LYPD6: variants seen among roughly 807,000 people sequenced by gnomAD.
LYPD6 encodes ly6/PLAUR domain-containing protein 6.
LYPD6 carries 15 observed loss-of-function variants against 22.7 expected under a neutral mutation model. That is an observed-to-expected ratio of 0.66 (90% CI 0.44 to 1.02). LYPD6 has a LOEUF of 1.02. Ranked by LOEUF, LYPD6 falls within the 50% of genes least tolerant of loss-of-function variation. LYPD6 has a pLI of 0.00. For synonymous variants in LYPD6, 72 were observed against 77.5 expected, an observed-to-expected ratio of 0.93 and a Z score of 0.37; for missense variants, 189 against 208.4, an observed-to-expected ratio of 0.91 and a Z score of 0.57.
intron 1 of LYPD6, among the ~76,000 whole-genome samples, chr2:149,352,073 A>G (rs1255923649): frequency 1.3e-5 from 2 of 152,142 alleles, no homozygotes; most frequent in African/African-American, 4.8e-5. Flanking sequence ...TCTCACTTGT[A>G]AAACTAAATG....
chr2:149,392,126 C>T (rs894133625), intron 1 of LYPD6, among the ~76,000 whole-genome samples: 20 of 152,276 alleles, frequency 1.3e-4, no homozygotes. Context: ...GTGGTTAGGG[C>T]AGACCAAGTT....
chr2:149,392,329 G>A (rs2105099475), intron 1 of LYPD6, among the ~76,000 whole-genome samples: 1 of 152,298 alleles, frequency 6.6e-6, no homozygotes, highest in Middle Eastern at 3.4e-3. Flanking sequence ...AAAACATGTG[G>A]AGGAAGATCG....
At chr2:149,461,199 A>AT (rs1026697262) in intron 3 of LYPD6, among the ~76,000 whole-genome samples, 1 of 152,062 alleles carries the variant, frequency 6.6e-6, no homozygotes, top group South Asian at 2.1e-4. Flanking sequence ...AACATATACA[A>AT]TTTTTTTCAA....
chr2:149,376,675 T>C (rs1681929402), intron 1 of LYPD6, among the ~76,000 whole-genome samples: 1 of 152,220 alleles, frequency 6.6e-6, no homozygotes, highest in African/African-American at 2.4e-5. Context: ...TGGGTACTCA[T>C]TGTGTCTTAC....
chr2:149,331,203 G>A (rs1410715471), intron 1 of LYPD6, among the ~76,000 whole-genome samples: 2 of 152,136 alleles, frequency 1.3e-5, no homozygotes, highest in Non-Finnish European at 2.9e-5. Flanking sequence ...GGGAGGTGCA[G>A]TGTGCTGGAG....
At chr2:149,462,877 C>T (rs1681118014) in intron 3 of LYPD6, among the ~76,000 whole-genome samples, 2 of 152,148 alleles carry the variant, frequency 1.3e-5, no homozygotes, top group South Asian at 4.1e-4. Context: ...CTAAGTCTCA[C>T]ACTTTTTACA....
intron 3 of LYPD6, among the ~76,000 whole-genome samples, chr2:149,452,815 CAAGT>C (rs1330566205): frequency 6.6e-6 from 1 of 152,162 alleles, no homozygotes; most frequent in Non-Finnish European, 1.5e-5. Flanking sequence ...ATTGTTTGGC[CAAGT>C]AAGTGTCAGG....
At chr2:149,458,972 A>C (rs1681028106) in intron 3 of LYPD6, among the ~76,000 whole-genome samples, 1 of 152,224 alleles carries the variant, frequency 6.6e-6, no homozygotes, top group South Asian at 2.1e-4. Flanking sequence ...ATGTTTTAAC[A>C]CTACATCATC....
intron 1 of LYPD6, among the ~76,000 whole-genome samples, chr2:149,424,842 A>G (rs1283027491): frequency 6.6e-6 from 1 of 152,094 alleles, no homozygotes; most frequent in Non-Finnish European, 1.5e-5. Flanking sequence ...TCTACCCAGA[A>G]CCGATGCTTC....
At chr2:149,463,603 A>G (rs1266336878) in intron 3 of LYPD6, among the ~76,000 whole-genome samples, 1 of 152,196 alleles carries the variant, frequency 6.6e-6, no homozygotes, top group East Asian at 1.9e-4. Context: ...TAGCTTTATT[A>G]ATAATATCTC....
chr2:149,357,305 A>G (rs1196702), intron 1 of LYPD6, among the ~76,000 whole-genome samples: 30,612 of 152,208 alleles, frequency 0.2, 4,548 homozygotes, highest in East Asian at 0.72. Context: ...CACTTTTTGC[A>G]GGAAAAGGCA....
chr2:149,479,484 G>C, the LYPD6 span, among the ~76,000 whole-genome samples: 5 of 152,094 alleles, frequency 3.3e-5, no homozygotes, highest in African/African-American at 1.2e-4. Context: ...AAGCACCTCC[G>C]TTGTAAGAGT....
chr2:149,458,620 C>T (rs912978287), intron 3 of LYPD6, among the ~76,000 whole-genome samples: 10 of 152,056 alleles, frequency 6.6e-5, no homozygotes, highest in African/African-American at 2.2e-4. Context: ...AAGATAAATA[C>T]AGATGTTAGA....
At chr2:149,453,202 G>A (rs1255614823) in intron 3 of LYPD6, among the ~76,000 whole-genome samples, 2 of 152,134 alleles carry the variant, frequency 1.3e-5, no homozygotes, top group Non-Finnish European at 2.9e-5. Flanking sequence ...ATCACATTAC[G>A]TTAGGAGCCA....
At chr2:149,451,963 C>T (rs1680834995) in intron 3 of LYPD6, among the ~76,000 whole-genome samples, 1 of 152,152 alleles carries the variant, frequency 6.6e-6, no homozygotes, top group Admixed American at 6.5e-5. Flanking sequence ...TGGCATTAAG[C>T]ACTGTGGGAG....
chr2:149,478,685 A>G (rs1313701124), downstream of LYPD6, among the ~76,000 whole-genome samples: 1 of 152,092 alleles, frequency 6.6e-6, no homozygotes, highest in East Asian at 1.9e-4. Context: ...CAGCCTCCCA[A>G]TGTGCTGGGA....
intron 2 of LYPD6, among the ~76,000 whole-genome samples, chr2:149,446,489 A>G (rs1683690984): frequency 6.6e-6 from 1 of 152,204 alleles, no homozygotes; most frequent in African/African-American, 2.4e-5. Context: ...CCATTTTTCT[A>G]TAGGTGGGTA....
intron 1 of LYPD6, among the ~76,000 whole-genome samples, chr2:149,333,959 G>A (rs556777673): frequency 1.1e-4 from 16 of 152,268 alleles, no homozygotes; most frequent in South Asian, 8.3e-4. Context: ...ATGCTGATAT[G>A]TTAGGGAAGA....
At chr2:149,408,569 A>G (rs2105119380) in intron 1 of LYPD6, among the ~76,000 whole-genome samples, 1 of 152,304 alleles carries the variant, frequency 6.6e-6, no homozygotes, top group East Asian at 1.9e-4. Flanking sequence ...GACATTTAAC[A>G]GAGTCCCAAA....
Sources: gnomAD v4.1 joint callset for allele counts (sites outside exome capture counted in the v4.1 genomes callset) on GRCh38, gnomAD v4.1.1 for gene constraint, MANE v1.5 for transcripts, NCBI Gene and HGNC (gene_info 2026-07-23, HGNC 2026-07-21) for gene names.